The following SAMD3 variants were observed in gnomAD, a reference collection of about 807,000 sequenced individuals.
SAMD3 encodes the protein sterile alpha motif domain-containing protein 3.
In SAMD3, 63 loss-of-function variants were observed where a neutral mutation model predicts 58.5. The observed-to-expected ratio is 1.08, with a 90% CI of 0.88 to 1.33. The LOEUF (loss-of-function observed/expected upper bound fraction) is 1.33. SAMD3 is among the 40% of genes most tolerant of loss of function. The pLI is 0.00. For missense variants in SAMD3, 604 were observed against 608.4 expected (o/e 0.99, Z 0.08); for synonymous variants, 220 against 210.3 (o/e 1.05, Z -0.40).
At chr6:130,146,669 G>A (rs114488352) in intron 9 of SAMD3, among the ~76,000 whole-genome samples, 1,687 of 152,160 alleles carry the variant, frequency 0.011, 27 homozygotes, top group African/African-American at 0.039. Flanking sequence ...AGTAGACAGA[G>A]GTAAACAGTG....
At chr6:130,226,547 C>A (rs914693452), upstream of SAMD3, among the ~76,000 whole-genome samples, 1 of 152,336 alleles carries the variant, frequency 6.6e-6, no homozygotes. Context: ...TTATGAGGGG[C>A]CGGGCACCAT....
At chr6:130,278,903 G>A (rs1340875259) in intron 2 of SAMD3, among the ~76,000 whole-genome samples, 4 of 152,022 alleles carry the variant, frequency 2.6e-5, no homozygotes, top group South Asian at 2.1e-4. Context: ...TTACATAGAC[G>A]GTGGGGAGAC....
At chr6:130,231,686 A>G (rs1031754455) in intron 2 of SAMD3, among the ~76,000 whole-genome samples, 1 of 152,212 alleles carries the variant, frequency 6.6e-6, no homozygotes, top group Non-Finnish European at 1.5e-5. Context: ...GTGTATGTGT[A>G]TGTGTGTTAT....
chr6:130,360,893 C>T (rs1202525431), intron 1 of SAMD3, among the ~76,000 whole-genome samples: 1 of 152,166 alleles, frequency 6.6e-6, no homozygotes, highest in Non-Finnish European at 1.5e-5. Context: ...AGCAATATTT[C>T]TCCCATTTGC....
intron 2 of SAMD3, among the ~76,000 whole-genome samples, chr6:130,266,568 A>T (rs897761989): frequency 5.3e-5 from 8 of 151,880 alleles, no homozygotes; most frequent in African/African-American, 1.9e-4. Context: ...TGGAGTTCAA[A>T]CCATACTAAA....
At chr6:130,161,598 T>TGATTTACATATTGTTA (rs1790286665) in intron 8 of SAMD3, 1 of 152,204 alleles carries the variant, frequency 6.6e-6, no homozygotes, top group African/African-American at 2.4e-5. Context: ...ACCATTTTAA[T>TGATTTACATATTGTTA]GATTTACATA....
rs1788434048 is a variant in SAMD3, at chr6:130,144,507, AT to A, written c.*12del. On this transcript the variant is annotated 3_prime_UTR_variant, in exon 12 of 12. Coordinates refer to ENST00000439090, the MANE Select transcript of SAMD3 (RefSeq NM_001017373.4). ...TCCCAGAGGTAAATTCCAGTACAATATTTGGCATGCTATTAAGTGAGTGGGT... is the reference window on the plus strand; with the variant it reads ...TCCCAGAGGTAAATTCCAGTACAATATTGGCATGCTATTAAGTGAGTGGGT... The A allele has an allele frequency of 6.2e-7, 1 of 1,609,344 alleles. No individual in the cohort carries two copies. Among genetic ancestry groups the A allele is most frequent in the African/African-American group, 1.3e-5 (1 of 74,642 alleles).
rs371010052 is a variant in SAMD3 at position 130,272,036 on chromosome 6, C to A, written c.-188+40942G>T. Among the ~76,000 whole-genome samples, 195 of 152,256 alleles carry A rather than the reference C, an allele frequency of 1.3e-3. 4 individuals carry two copies. The South Asian group carries it at 0.031, about 24-fold the overall frequency. ...CAGCCAAACCATCATCATCATCCAT[C>A]TTTTAATTTGCATTTTATTGAGTTT... On this transcript the variant is annotated intron_variant, in intron 2 of 13. Transcript: ENST00000368134.
intron 2 of SAMD3, among the ~76,000 whole-genome samples, chr6:130,241,602 A>G (rs867012821): frequency 1.3e-5 from 2 of 152,064 alleles, no homozygotes; most frequent in Non-Finnish European, 1.5e-5. Context: ...ACTTGCCACC[A>G]ATTACCCCTT....
chr6:130,322,075 A>C (rs997213402), intron 1 of SAMD3, among the ~76,000 whole-genome samples: 6 of 152,152 alleles, frequency 3.9e-5, no homozygotes, highest in African/African-American at 7.2e-5. Context: ...ATCCAGCCAC[A>C]GGGTGAAAAT....
At chr6:130,298,791 A>G (rs1028055801) in intron 2 of SAMD3, among the ~76,000 whole-genome samples, 1 of 152,066 alleles carries the variant, frequency 6.6e-6, no homozygotes, top group Non-Finnish European at 1.5e-5. Context: ...AGAAAGATCA[A>G]TCACACAAAT....
chr6:130,185,231 CT>C (rs755213881), intron 5 of SAMD3, among the ~76,000 whole-genome samples: 1 of 152,176 alleles, frequency 6.6e-6, no homozygotes, highest in Non-Finnish European at 1.5e-5. Flanking sequence ...CAGGAGTTGC[CT>C]GGGGATGAGG....
downstream of SAMD3, chr6:130,144,233 T>C (rs564913655): frequency 5.1e-6 from 2 of 391,314 alleles, no homozygotes; most frequent in Non-Finnish European, 9.1e-6. Flanking sequence ...TTGAGTACAG[T>C]GTATTTCAAA....
chr6:130,156,401 G>A (rs186137325), intron 8 of SAMD3, among the ~76,000 whole-genome samples: 1 of 152,208 alleles, frequency 6.6e-6, no homozygotes, highest in East Asian at 1.9e-4. Context: ...CCCCAAACCT[G>A]AAAGAACAGT....
At chr6:130,145,948 A>G (rs1788581233) in intron 10 of SAMD3, 62 bp downstream of exon 10, 1 of 1,077,520 alleles carries the variant, frequency 9.3e-7, no homozygotes. Context: ...CCAAAGCATA[A>G]CTTTTCTAGA....
chr6:130,340,152 C>A (rs1777225458), intron 1 of SAMD3, among the ~76,000 whole-genome samples: 1 of 152,184 alleles, frequency 6.6e-6, no homozygotes, highest in Non-Finnish European at 1.5e-5. Flanking sequence ...GCTGCTATAA[C>A]AAATTACCAG....
At chr6:130,194,665 T>C (rs1793909713) in intron 5 of SAMD3, among the ~76,000 whole-genome samples, 1 of 152,158 alleles carries the variant, frequency 6.6e-6, no homozygotes, top group Non-Finnish European at 1.5e-5. Flanking sequence ...CAGCCCAGAA[T>C]TCCTCCTAAG....
At chr6:130,188,963 C>G (rs1485909912) in intron 5 of SAMD3, among the ~76,000 whole-genome samples, 1 of 152,122 alleles carries the variant, frequency 6.6e-6, no homozygotes, top group Non-Finnish European at 1.5e-5. Flanking sequence ...GGCCTCAGCT[C>G]TGAGCTTTAT....
At chr6:130,220,542 G>C (rs1796178113) in intron 1 of SAMD3, among the ~76,000 whole-genome samples, 1 of 152,170 alleles carries the variant, frequency 6.6e-6, no homozygotes, top group African/African-American at 2.4e-5. Context: ...TGTGAACTGT[G>C]CTATTGAATT....
Sources: allele counts gnomAD v4.1 joint callset (sites outside exome capture counted in the v4.1 genomes callset), GRCh38; gene constraint gnomAD v4.1.1; transcripts MANE v1.5; gene names NCBI Gene and HGNC (gene_info 2026-07-23, HGNC 2026-07-21).